Variants in MYOM1 observed in about 807,000 individuals in gnomAD.
MYOM1 encodes the protein myomesin-1.
Under a neutral mutation model 205.3 loss-of-function variants are expected in MYOM1, and 164 were observed. That is an observed-to-expected ratio of 0.80 (90% CI 0.70 to 0.91). The LOEUF is 0.91. Ranked by LOEUF, MYOM1 falls within the 40% of genes least tolerant of loss-of-function variation. The probability of loss-of-function intolerance (pLI) is 0.00; values close to 1 mark genes in which losing one functional copy is unlikely to be tolerated. For missense variants in MYOM1, 2,011 were observed against 2,127.3 expected (o/e 0.95, Z 1.08); for synonymous variants, 772 against 789.4 (o/e 0.98, Z 0.37).
chr18:3,215,301 T>G (rs946105275), intron 1 of MYOM1, 50 bp from the exon 2 acceptor site: 2 of 1,363,336 alleles, frequency 1.5e-6, no homozygotes, highest in Non-Finnish European at 2.0e-6. Flanking sequence ...ACAAATTCCA[T>G]AGACCAAGTC....
chr18:3,097,149 T>G (rs1037603033), intron 25 of MYOM1, among the ~76,000 whole-genome samples: 1 of 152,212 alleles, frequency 6.6e-6, no homozygotes, highest in African/African-American at 2.4e-5. Flanking sequence ...TAAGACAGTT[T>G]AAAACTTTAC....
intron 2 of MYOM1, among the ~76,000 whole-genome samples, chr18:3,200,649 CAAT>C (rs2081053897): frequency 6.6e-6 from 1 of 151,696 alleles, no homozygotes; most frequent in South Asian, 2.1e-4. Flanking sequence ...AAGAAATAAT[CAAT>C]AAAGTTGAAA....
chr18:3,155,445 T>A (rs112380248), intron 10 of MYOM1, among the ~76,000 whole-genome samples: 2 of 152,170 alleles, frequency 1.3e-5, no homozygotes, highest in Non-Finnish European at 2.9e-5. Flanking sequence ...AGGATGGTCT[T>A]GATCTCCTGA....
chr18:3,070,347 C>T (rs1007205427), intron 37 of MYOM1, among the ~76,000 whole-genome samples: 13 of 152,048 alleles, frequency 8.5e-5, no homozygotes, highest in Non-Finnish European at 1.8e-4. Flanking sequence ...GAGTCGGGGT[C>T]TCATTATGTT....
chr18:3,212,186 G>C (rs1422700216), intron 2 of MYOM1, among the ~76,000 whole-genome samples: 1 of 152,070 alleles, frequency 6.6e-6, no homozygotes, highest in East Asian at 1.9e-4. Flanking sequence ...CTTGTTTCTA[G>C]GTCAGCATGC....
chr18:3,131,138 T>C (rs549310183), intron 17 of MYOM1, among the ~76,000 whole-genome samples: 2 of 152,244 alleles, frequency 1.3e-5, no homozygotes, highest in Admixed American at 1.3e-4. Flanking sequence ...CTGAGGAAAC[T>C]TGGGTTCGTG....
At chr18:3,197,077 C>T (rs1028647856) in intron 2 of MYOM1, among the ~76,000 whole-genome samples, 1 of 151,654 alleles carries the variant, frequency 6.6e-6, no homozygotes, top group Non-Finnish European at 1.5e-5. Flanking sequence ...GACTAGCATT[C>T]ATCTCTTCTT....
chr18:3,113,298 C>CTATA lies in MYOM1; in HGVS notation c.3304-890_3304-887dup, dbSNP rs70964105. 1.0e-2 allele frequency among the ~76,000 whole-genome samples: 1,445 copies of CTATA among 144,586 alleles called. 14 individuals carry two copies. The highest frequency in any genetic ancestry group is 0.019 in the African/African-American group (701 of 37,348). The allele number at this position is 144,586 out of a possible 152,430, so 94.9% of individuals were successfully genotyped here. A position where few individuals can be genotyped will look rare whatever the true frequency, so the allele number is the denominator to read the frequency against. On this transcript the variant is annotated intron_variant, in intron 21 of 37. Transcript: ENST00000356443. ...TATATATGTGTGTATGTGTTTGTGT[C>CTATA]TATATATATATATATATATATATAT...
At chr18:3,110,119 G>A (rs891266412) in intron 22 of MYOM1, among the ~76,000 whole-genome samples, 1 of 152,198 alleles carries the variant, frequency 6.6e-6, no homozygotes, top group Admixed American at 6.5e-5. Flanking sequence ...TATACATTTT[G>A]TAATCTGATA....
chr18:3,126,745 A>C lies in MYOM1; in HGVS notation c.2947T>G (p.Trp983Gly), dbSNP rs1598700080. 1 of 1,613,606 alleles carries C rather than the reference A, an allele frequency of 6.2e-7. No homozygotes were observed. Among genetic ancestry groups the C allele is most frequent in the Middle Eastern group, 1.7e-4 (1 of 6,060 alleles). The change falls in exon 19 of 38, where the codon TGG (tryptophan) becomes GGG (glycine). Residue 983 changes from tryptophan to glycine, a missense_variant. Trp to Gly is a radical substitution (Grantham distance 184, BLOSUM62 -2). Coordinates refer to ENST00000356443, the MANE Select transcript of MYOM1 (RefSeq NM_003803.4). ...REVIDGVPGK[W>G]REANVKAVSE... ...ACAGCCTTGACATTGGCTTCTCTCC[A>C]TTTTCCTGGTACCCCATCAATGACC...
chr18:3,145,263 T>C (rs1234884052), intron 13 of MYOM1, among the ~76,000 whole-genome samples: 2 of 151,752 alleles, frequency 1.3e-5, no homozygotes, highest in African/African-American at 2.4e-5. Flanking sequence ...TGAGCCAACA[T>C]TGAGCTGCTG....
the MYOM1 span, among the ~76,000 whole-genome samples, chr18:3,242,453 A>G: frequency 1.3e-5 from 2 of 152,224 alleles, no homozygotes; most frequent in East Asian, 1.9e-4. Context: ...CCCCAGCCAC[A>G]TGGAACTGTA....
Position 3,126,706 on chromosome 18 carries a change from A to T in MYOM1, c.2986T>A (p.Tyr996Asn). The change falls in exon 19 of 38, where the codon TAC becomes AAC. Residue 996 changes from tyrosine (Y) to asparagine (N), a missense_variant. By Grantham distance (143) the Tyr-to-Asn change is moderately radical (BLOSUM62 -2). Transcript: ENST00000356443. ...ANVKAVSEEAYKISNLKENMV... is the reference protein window; with the variant it reads ...ANVKAVSEEANKISNLKENMV... ...ACAGAAAGTCACGTGCTTACCTTGTATGCCTCCTCACTGACAGCCTTGACA... is the reference window on the plus strand; with the variant it reads ...ACAGAAAGTCACGTGCTTACCTTGTTTGCCTCCTCACTGACAGCCTTGACA... 1 of 1,612,170 alleles carries T rather than the reference A, an allele frequency of 6.2e-7. No individual in the cohort carries two copies. The highest frequency in any genetic ancestry group is 1.7e-4 in the Middle Eastern group (1 of 6,060).
At position 3,187,541 on chromosome 18, in the gene MYOM1, C is replaced by T; in HGVS notation, c.868G>A (p.Glu290Lys). 1 of 1,613,902 alleles carries T rather than the reference C, an allele frequency of 6.2e-7. No individual in the cohort carries two copies. ...IIKPRSHTVW[E>K]KENVKLHCSI... ...CAATGCAATTTTACATTCTCCTTCT[C>T]CCAAACCGTGTGGGAGCGAGGTTTA... is the stretch of plus-strand genomic sequence containing the variant. Residue 290 changes from glutamate to lysine, a missense_variant, in exon 5 of 38, where the codon GAG becomes AAG. Physicochemically the swap from Glu to Lys is moderately conservative, Grantham distance 56. Transcript: ENST00000356443.
At chr18:3,140,128 C>T (rs773450229) in intron 14 of MYOM1, among the ~76,000 whole-genome samples, 4 of 152,084 alleles carry the variant, frequency 2.6e-5, no homozygotes, top group Admixed American at 1.3e-4. Flanking sequence ...AGAATGCAGC[C>T]GGGCGTGGTG....
intron 14 of MYOM1, among the ~76,000 whole-genome samples, chr18:3,136,201 G>A (rs1209425947): frequency 6.6e-6 from 1 of 152,094 alleles, no homozygotes; most frequent in Non-Finnish European, 1.5e-5. Context: ...ACATGGAACT[G>A]TGAGTCCATT....
intron 21 of MYOM1, among the ~76,000 whole-genome samples, chr18:3,114,352 C>T (rs1158136777): frequency 6.6e-6 from 1 of 150,628 alleles, no homozygotes; most frequent in Non-Finnish European, 1.5e-5. Flanking sequence ...AATACGTAAT[C>T]GAGATCATCG....
chr18:3,138,006 A>C (rs1383538303), intron 14 of MYOM1, among the ~76,000 whole-genome samples: 1 of 152,194 alleles, frequency 6.6e-6, no homozygotes, highest in African/African-American at 2.4e-5. Context: ...AGAATAATTA[A>C]TGGGAAAATT....
At chr18:3,104,907 C>T (rs1010332919) in intron 22 of MYOM1, among the ~76,000 whole-genome samples, 3 of 151,994 alleles carry the variant, frequency 2.0e-5, no homozygotes, top group South Asian at 2.1e-4. Flanking sequence ...GCACCACATC[C>T]GGCCAATTTT....
Sources: gnomAD v4.1 joint callset for allele counts (sites outside exome capture counted in the v4.1 genomes callset) on GRCh38, gnomAD v4.1.1 for gene constraint, MANE v1.5 for transcripts, NCBI Gene and HGNC (gene_info 2026-07-23, HGNC 2026-07-21) for gene names.